Variants in CORIN observed in about 807,000 individuals in gnomAD.
CORIN encodes the protein atrial natriuretic peptide-converting enzyme.
CORIN carries 117 observed loss-of-function variants against 125.3 expected under a neutral mutation model. That is an observed-to-expected ratio of 0.93 (90% CI 0.80 to 1.09). The LOEUF (loss-of-function observed/expected upper bound fraction) is 1.09. CORIN is among the 50% of genes least tolerant of loss of function. The pLI is 0.00. For missense variants in CORIN, 1,253 were observed against 1,306.7 expected, an observed-to-expected ratio of 0.96 and a Z score of 0.63; for synonymous variants, 450 against 466.4, an observed-to-expected ratio of 0.96 and a Z score of 0.45.
chr4:47,750,692 T>C (rs529121584), intron 4 of CORIN, among the ~76,000 whole-genome samples: 1 of 152,298 alleles, frequency 6.6e-6, no homozygotes, highest in South Asian at 2.1e-4. Flanking sequence ...TCAACCCATG[T>C]AACCTGGCAG....
At chr4:47,800,361 A>T (rs1470637234) in intron 2 of CORIN, among the ~76,000 whole-genome samples, 1 of 152,166 alleles carries the variant, frequency 6.6e-6, no homozygotes, top group Non-Finnish European at 1.5e-5. Context: ...GCCTCTAAGC[A>T]CAGACGTACT....
chr4:47,767,170 G>A (rs931238203), intron 3 of CORIN, among the ~76,000 whole-genome samples: 2 of 152,078 alleles, frequency 1.3e-5, no homozygotes, highest in African/African-American at 4.8e-5. Flanking sequence ...GAAGTTTGTG[G>A]AAGAGGATGA....
intron 16 of CORIN, 88 bp downstream of exon 16, chr4:47,641,832 C>A: frequency 6.7e-7 from 1 of 1,482,046 alleles, no homozygotes; most frequent in Non-Finnish European, 9.2e-7. Flanking sequence ...AGAGCACTAA[C>A]TCTCTGTGCA....
At chr4:47,640,232 A>T (rs1723183058) in intron 16 of CORIN, among the ~76,000 whole-genome samples, 1 of 152,220 alleles carries the variant, frequency 6.6e-6, no homozygotes, top group Admixed American at 6.5e-5. Context: ...TGCACACAAT[A>T]GCCAAAGGTG....
chr4:47,598,017 A>T (rs1721316650), intron 21 of CORIN, among the ~76,000 whole-genome samples: 1 of 152,190 alleles, frequency 6.6e-6, no homozygotes, highest in South Asian at 2.1e-4. Flanking sequence ...AGGCTTAGTG[A>T]GTCAGGTAGG....
chr4:47,699,476 G>A (rs947791903), intron 5 of CORIN, among the ~76,000 whole-genome samples: 3 of 152,140 alleles, frequency 2.0e-5, no homozygotes, highest in African/African-American at 7.2e-5. Flanking sequence ...GAAGATTTCC[G>A]TTTGCTGATT....
chr4:47,725,754 G>A (rs1449208816), intron 5 of CORIN, among the ~76,000 whole-genome samples: 29 of 151,986 alleles, frequency 1.9e-4, no homozygotes, highest in Admixed American at 1.9e-3. Flanking sequence ...TAAAAAATTG[G>A]TAAATAAAAT....
intron 4 of CORIN, among the ~76,000 whole-genome samples, chr4:47,761,454 C>T (rs1729456022): frequency 6.6e-6 from 1 of 150,506 alleles, no homozygotes; most frequent in Non-Finnish European, 1.5e-5. Flanking sequence ...TATCCACTAA[C>T]CAATGAATGC....
At chr4:47,684,123 C>T (rs1029394193) in intron 6 of CORIN, among the ~76,000 whole-genome samples, 1 of 152,200 alleles carries the variant, frequency 6.6e-6, no homozygotes, top group African/African-American at 2.4e-5. Flanking sequence ...TGAGAAAAGA[C>T]ATTCTCAGTT....
intron 4 of CORIN, among the ~76,000 whole-genome samples, chr4:47,762,220 A>C (rs1434861106): frequency 6.6e-6 from 1 of 152,152 alleles, no homozygotes; most frequent in Non-Finnish European, 1.5e-5. Flanking sequence ...TGTATTTGTT[A>C]ATCAGCTAGA....
chr4:47,774,779 A>G (rs901113625), intron 3 of CORIN, among the ~76,000 whole-genome samples: 10 of 152,330 alleles, frequency 6.6e-5, no homozygotes, highest in Non-Finnish European at 1.2e-4. Context: ...AACCTCAACA[A>G]AGAAGGAAAT....
At position 47,635,361 on chromosome 4, in the gene CORIN, C is replaced by T. The variant is rs117568943; in HGVS notation, c.2198+6559G>A. On this transcript the variant is annotated intron_variant, in intron 16 of 21. Transcript: ENST00000273857. ...AAGTTGTTGGAATAAGACAAAATAA[C>T]CAAATGTGATAGAGTTACATGCTGA... is the stretch of plus-strand genomic sequence containing the variant. 2.0e-3 allele frequency among the ~76,000 whole-genome samples: 302 copies of T among 152,226 alleles called. 8 individuals carry two copies. The East Asian group carries it at 0.054, about 27-fold the overall frequency.
At chr4:47,744,357 C>T in intron 5 of CORIN, 45 bp downstream of exon 5, 1 of 1,549,214 alleles carries the variant, frequency 6.5e-7, no homozygotes, top group Non-Finnish European at 8.9e-7. Context: ...AAATGGCATA[C>T]TCAAATAAAA....
rs1733538770 is a variant in CORIN at position 47,837,875 on chromosome 4, C to A, written c.63+12G>T. On this transcript the variant is annotated intron_variant, in intron 1 of 21. Transcript: ENST00000273857. ...ACCTGGCTGCGGTAGGACAGCGAATCATCGATCTTACCGGCTTTGGGGACC... is the reference window on the plus strand; with the variant it reads ...ACCTGGCTGCGGTAGGACAGCGAATAATCGATCTTACCGGCTTTGGGGACC... 2 of 1,612,120 alleles carry A rather than the reference C, an allele frequency of 1.2e-6. No homozygotes were observed. The highest frequency in any genetic ancestry group is 1.7e-6 in the Non-Finnish European group (2 of 1,178,612).
In CORIN at chr4:47,693,079, G is replaced by T; in HGVS notation, c.804C>A (p.Leu268=). The T allele has an allele frequency of 6.2e-7, 1 of 1,604,348 alleles. No homozygotes were observed. The highest frequency in any genetic ancestry group is 8.5e-7 in the Non-Finnish European group (1 of 1,173,082). Residue 268 remains leucine (L), a synonymous_variant, in exon 6 of 22, where the codon CTC becomes CTA. Coordinates refer to ENST00000273857, the MANE Select transcript of CORIN (RefSeq NM_006587.4). ...ACAGAAAGTTCTCACCCCTTCCACA[G>T]AGCACTAAAAAAAAAGGGCAGGAAA... The part of the protein sequence containing the change: ...SPQQENGKQL[L]CGRGENFLCA...
At chr4:47,814,370 G>T (rs12508460) in intron 1 of CORIN, among the ~76,000 whole-genome samples, 29,038 of 152,062 alleles carry the variant, frequency 0.19, 3,480 homozygotes, top group Admixed American at 0.28. Context: ...TGTGATTTGT[G>T]TTCTTTTTTC....
At chr4:47,821,717 C>T (rs572893434) in intron 1 of CORIN, among the ~76,000 whole-genome samples, 1 of 152,176 alleles carries the variant, frequency 6.6e-6, no homozygotes, top group South Asian at 2.1e-4. Context: ...CATTTCTTCC[C>T]AGCGCTAAAG....
intron 1 of CORIN, among the ~76,000 whole-genome samples, chr4:47,812,274 G>T (rs189346569): frequency 6.6e-6 from 1 of 152,220 alleles, no homozygotes; most frequent in Admixed American, 6.5e-5. Flanking sequence ...GAGGCAGGAG[G>T]ATTATTTGAG....
At chr4:47,611,137 C>A (rs1721852035) in intron 19 of CORIN, among the ~76,000 whole-genome samples, 1 of 152,128 alleles carries the variant, frequency 6.6e-6, no homozygotes. Flanking sequence ...TGAAGAATGT[C>A]AATGGCAGTT....
Sources: gnomAD v4.1 joint callset for allele counts (sites outside exome capture counted in the v4.1 genomes callset) on GRCh38, gnomAD v4.1.1 for gene constraint, MANE v1.5 for transcripts, NCBI Gene and HGNC (gene_info 2026-07-23, HGNC 2026-07-21) for gene names.